Variants in NAV2 observed in about 807,000 individuals in gnomAD.
The protein encoded by NAV2 is neuron navigator 2, also known as helicase, APC down-regulated 1.
A neutral mutation model predicts 223.2 loss-of-function variants in NAV2; 54 were observed. The ratio of observed to expected loss-of-function variants is 0.24; its 90% CI spans 0.19 to 0.30. The LOEUF (loss-of-function observed/expected upper bound fraction) is 0.30. Ranked by LOEUF, NAV2 falls within the 10% of genes least tolerant of loss-of-function variation. The pLI, the probability that NAV2 is intolerant of heterozygous loss-of-function variation, is 1.00. For missense variants in NAV2, 2,806 were observed against 3,147.5 expected (o/e 0.89, Z 2.60); for synonymous variants, 1,279 against 1,239.3 (o/e 1.03, Z -0.67).
chr11:19,497,286 G>A (rs1367483692), intron 1 of NAV2, among the ~76,000 whole-genome samples: 1 of 152,202 alleles, frequency 6.6e-6, no homozygotes, highest in African/African-American at 2.4e-5. Context: ...ACTGTGCCCA[G>A]AACATTGTAA....
chr11:20,039,436 C>A lies in NAV2; in HGVS notation c.2907+3339C>A, dbSNP rs149246592. Among the ~76,000 whole-genome samples the A allele has an allele frequency of 3.6e-3, 551 of 152,168 alleles. 1 individual carries two copies. Among genetic ancestry groups the A allele is most frequent in the African/African-American group, 0.013 (523 of 41,514 alleles). On this transcript the variant is annotated intron_variant, in intron 12 of 37. Coordinates refer to ENST00000349880, the MANE Select transcript of NAV2 (RefSeq NM_145117.5). ...CATTTCTCTTATCTCTCCCTCCCTT[C>A]CTCCCTCCTCTCCTTCCCTTCGTCC...
At chr11:19,936,387 T>A (rs1382000688) in intron 7 of NAV2, among the ~76,000 whole-genome samples, 2 of 152,210 alleles carry the variant, frequency 1.3e-5, no homozygotes, top group African/African-American at 4.8e-5. Flanking sequence ...ATAAAAGATA[T>A]AACCTTTTTT....
intron 5 of NAV2, among the ~76,000 whole-genome samples, chr11:19,886,383 G>A (rs1476391395): frequency 6.6e-6 from 1 of 152,158 alleles, no homozygotes; most frequent in Non-Finnish European, 1.5e-5. Flanking sequence ...TCTCCATAGA[G>A]CAAGTCCACA....
At chr11:19,929,385 A>G (rs2045108378) in intron 6 of NAV2, among the ~76,000 whole-genome samples, 1 of 152,192 alleles carries the variant, frequency 6.6e-6, no homozygotes, top group African/African-American at 2.4e-5. Flanking sequence ...AAGACCACTC[A>G]TGACTTGACA....
intron 1 of NAV2, among the ~76,000 whole-genome samples, chr11:19,721,954 A>G (rs541263379): frequency 6.6e-6 from 1 of 152,372 alleles, no homozygotes; most frequent in African/African-American, 2.4e-5. Flanking sequence ...GCAAAGATAT[A>G]TGTGCACGTC....
At chr11:19,373,927 T>A (rs942926487) in intron 1 of NAV2, among the ~76,000 whole-genome samples, 1 of 152,194 alleles carries the variant, frequency 6.6e-6, no homozygotes, top group African/African-American at 2.4e-5. Flanking sequence ...ACCTGCTTTT[T>A]TCCCCCCTCA....
chr11:19,461,519 GGAT>G (rs1480785244), intron 1 of NAV2, among the ~76,000 whole-genome samples: 3 of 152,230 alleles, frequency 2.0e-5, no homozygotes, highest in South Asian at 4.1e-4. Flanking sequence ...TTGTTAATAA[GGAT>G]GATGATGATG....
chr11:19,456,931 T>G (rs1410131298), intron 1 of NAV2, among the ~76,000 whole-genome samples: 1 of 152,228 alleles, frequency 6.6e-6, no homozygotes, highest in African/African-American at 2.4e-5. Flanking sequence ...AGAGGTCCTG[T>G]GGTGCCATAC....
intron 7 of NAV2, among the ~76,000 whole-genome samples, chr11:19,938,499 C>T (rs1013182925): frequency 2.0e-5 from 3 of 152,146 alleles, no homozygotes; most frequent in Non-Finnish European, 4.4e-5. Context: ...TTTTACTGGA[C>T]GAAGGCAGAA....
intron 16 of NAV2, 84 bp from the exon 17 acceptor site, chr11:20,051,205 C>T (rs564845727): frequency 2.5e-6 from 3 of 1,178,286 alleles, no homozygotes; most frequent in East Asian, 4.7e-5. Flanking sequence ...CTCCAGGGCC[C>T]TTCAGTCCCC....
chr11:19,652,331 G>A (rs1314398376), intron 1 of NAV2, among the ~76,000 whole-genome samples: 1 of 152,066 alleles, frequency 6.6e-6, no homozygotes, highest in Non-Finnish European at 1.5e-5. Context: ...TTCTTGTGGG[G>A]TCCTGGGTCA....
At chr11:20,055,648 T>C in intron 18 of NAV2, 121 bp from the exon 19 acceptor site, 1 of 849,424 alleles carries the variant, frequency 1.2e-6, no homozygotes. Context: ...AGAAAACAGA[T>C]GGGAGAAGAG....
upstream of NAV2, among the ~76,000 whole-genome samples, chr11:19,349,347 C>T (rs369577177): frequency 6.7e-4 from 102 of 152,332 alleles, no homozygotes; most frequent in Admixed American, 4.2e-3. Context: ...CTCCTCCCCC[C>T]TCACAAGCCC....
At chr11:19,467,316 T>C (rs1262894717) in intron 1 of NAV2, among the ~76,000 whole-genome samples, 1 of 152,214 alleles carries the variant, frequency 6.6e-6, no homozygotes, top group Non-Finnish European at 1.5e-5. Context: ...CTGTCAGATA[T>C]TTAGGCTGTT....
chr11:20,094,730 G>A (rs971766213), intron 29 of NAV2, among the ~76,000 whole-genome samples: 6 of 152,096 alleles, frequency 3.9e-5, no homozygotes, highest in East Asian at 1.9e-4. Context: ...TGAGAAACCC[G>A]AGACCCCAAA....
intron 1 of NAV2, among the ~76,000 whole-genome samples, chr11:19,374,475 C>T (rs1174872392): frequency 6.6e-6 from 1 of 152,170 alleles, no homozygotes; most frequent in Non-Finnish European, 1.5e-5. Context: ...TCTCTGGCAA[C>T]ACATATGACA....
chr11:20,086,803 A>G (rs1203456781), intron 26 of NAV2, among the ~76,000 whole-genome samples: 1 of 152,124 alleles, frequency 6.6e-6, no homozygotes, highest in African/African-American at 2.4e-5. Flanking sequence ...TAGATTTACA[A>G]CTTGAGTACC....
chr11:19,478,510 T>C (rs578110623), intron 1 of NAV2, among the ~76,000 whole-genome samples: 106 of 152,116 alleles, frequency 7.0e-4, no homozygotes, highest in Middle Eastern at 3.4e-3. Context: ...AAACAAGAAA[T>C]GGGGAGGATA....
At chr11:19,955,339 G>C (rs2047758441) in intron 10 of NAV2, among the ~76,000 whole-genome samples, 1 of 151,956 alleles carries the variant, frequency 6.6e-6, no homozygotes, top group Non-Finnish European at 1.5e-5. Context: ...GCAGCGAGCT[G>C]TGATTACACC....
Sources: allele counts gnomAD v4.1 joint callset (sites outside exome capture counted in the v4.1 genomes callset), GRCh38; gene constraint gnomAD v4.1.1; transcripts MANE v1.5; gene names NCBI Gene and HGNC (gene_info 2026-07-23, HGNC 2026-07-21).